Variants in RIMS2 observed in about 807,000 individuals in gnomAD.
The protein encoded by RIMS2 is regulating synaptic membrane exocytosis protein 2.
Under a neutral mutation model 174.4 loss-of-function variants are expected in RIMS2, and 59 were observed. That is an observed-to-expected ratio of 0.34 (90% CI 0.27 to 0.42). The LOEUF (loss-of-function observed/expected upper bound fraction) is 0.42, where lower values mean the gene tolerates loss of function less well. RIMS2 is among the 10% of genes least tolerant of loss of function. The probability of loss-of-function intolerance (pLI) is 1.00; values close to 1 mark genes in which losing one functional copy is unlikely to be tolerated. For missense variants in RIMS2, 1,620 were observed against 1,666.3 expected (o/e 0.97, Z 0.48); for synonymous variants, 606 against 572.5 (o/e 1.06, Z -0.84).
chr8:103,697,490 C>G (rs563509812), intron 2 of RIMS2, among the ~76,000 whole-genome samples, 194 bp downstream of exon 4: 19 of 150,804 alleles, frequency 1.3e-4, no homozygotes, highest in Admixed American at 4.0e-4. Context: ...GGGCGGATCA[C>G]TTTAGCCCAG....
intron 1 of RIMS2, among the ~76,000 whole-genome samples, chr8:103,661,710 T>G (rs2096603042): frequency 6.6e-6 from 1 of 152,234 alleles, no homozygotes; most frequent in Non-Finnish European, 1.5e-5. Context: ...TTCACCGTGT[T>G]TCCCAGGCTG....
intron 19 of RIMS2, among the ~76,000 whole-genome samples, chr8:104,181,245 C>A (rs925377085): frequency 4.0e-5 from 6 of 151,530 alleles, no homozygotes; most frequent in African/African-American, 1.5e-4. Context: ...AATTAATAGT[C>A]CTTAGAGTAT....
chr8:103,687,795 C>T (rs539683721), intron 1 of RIMS2, among the ~76,000 whole-genome samples: 1 of 152,238 alleles, frequency 6.6e-6, no homozygotes, highest in Non-Finnish European at 1.5e-5. Flanking sequence ...CTTCACTTAA[C>T]ATAATGTCCT....
chr8:103,815,515 A>G (rs1469414991), intron 3 of RIMS2, among the ~76,000 whole-genome samples: 1 of 152,222 alleles, frequency 6.6e-6, no homozygotes, highest in African/African-American at 2.4e-5. Flanking sequence ...AAATAGAGAA[A>G]CCAATTGCCA....
chr8:104,032,355 T>C (rs1039382206), intron 19 of RIMS2, among the ~76,000 whole-genome samples: 24 of 152,074 alleles, frequency 1.6e-4, no homozygotes, highest in Admixed American at 2.0e-4. Context: ...AGTGTTTTTG[T>C]TTTCCTCTCC....
At chr8:104,256,013 C>T (rs989621928), downstream of RIMS2, 15 of 152,282 alleles carry the variant, frequency 9.9e-5, no homozygotes, top group African/African-American at 3.6e-4. Context: ...AAAACGTAAG[C>T]TCCTTCAGGG....
intron 19 of RIMS2, among the ~76,000 whole-genome samples, chr8:104,070,364 C>G (rs1308151214): frequency 6.6e-6 from 1 of 152,178 alleles, no homozygotes; most frequent in East Asian, 1.9e-4. Context: ...ATTAAAATAG[C>G]CTTGGCTTTA....
At chr8:103,893,789 A>G (rs890823712) in intron 4 of RIMS2, among the ~76,000 whole-genome samples, 5 of 152,036 alleles carry the variant, frequency 3.3e-5, no homozygotes, top group African/African-American at 9.7e-5. Context: ...TGAGTAGTTG[A>G]GACAGATTAC....
At chr8:103,745,167 C>T (rs768983825) in intron 2 of RIMS2, among the ~76,000 whole-genome samples, 2 of 152,150 alleles carry the variant, frequency 1.3e-5, no homozygotes, top group Admixed American at 6.5e-5. Flanking sequence ...ACCCCTGTAC[C>T]CATTAGTAGT....
At chr8:103,825,197 G>C (rs914024673) in intron 3 of RIMS2, among the ~76,000 whole-genome samples, 1 of 151,720 alleles carries the variant, frequency 6.6e-6, no homozygotes, top group Non-Finnish European at 1.5e-5. Context: ...AGTTTTGCTT[G>C]TTCTAAAACT....
chr8:104,143,248 G>C (rs2098600686), intron 19 of RIMS2, among the ~76,000 whole-genome samples: 1 of 152,144 alleles, frequency 6.6e-6, no homozygotes, highest in Non-Finnish European at 1.5e-5. Flanking sequence ...ATGGTAATCT[G>C]AGTTTAAGTG....
At chr8:103,648,093 G>A (rs185875612) in intron 1 of RIMS2, among the ~76,000 whole-genome samples, 71 of 151,816 alleles carry the variant, frequency 4.7e-4, no homozygotes, top group East Asian at 9.7e-4. Flanking sequence ...CTTTAGCTGC[G>A]TCCCAGAGCT....
chr8:103,903,431 G>T (rs552829456), intron 4 of RIMS2, among the ~76,000 whole-genome samples: 1 of 150,070 alleles, frequency 6.7e-6, no homozygotes, highest in South Asian at 2.1e-4. Flanking sequence ...GAAAAACAAT[G>T]ATATAAAATA....
At chr8:103,865,034 A>G (rs2099077903) in intron 3 of RIMS2, among the ~76,000 whole-genome samples, 1 of 152,070 alleles carries the variant, frequency 6.6e-6, no homozygotes, top group Non-Finnish European at 1.5e-5. Flanking sequence ...GCGCTTCCCA[A>G]ACTATTTCCC....
chr8:103,885,385 G>A (rs2099193948), exon 4 of RIMS2: 5 of 1,612,454 alleles, frequency 3.1e-6, no homozygotes, highest in South Asian at 2.2e-5. Context: ...ATGCTACTTC[G>A]GATACCGCAA....
At chr8:103,850,665 G>T (rs1053742936) in intron 3 of RIMS2, among the ~76,000 whole-genome samples, 1 of 151,942 alleles carries the variant, frequency 6.6e-6, no homozygotes, top group Non-Finnish European at 1.5e-5. Flanking sequence ...CTATGACTTT[G>T]TACTTTTACC....
intron 19 of RIMS2, among the ~76,000 whole-genome samples, chr8:104,162,154 C>CTCA (rs2098766458): frequency 6.6e-6 from 1 of 152,100 alleles, no homozygotes; most frequent in African/African-American, 2.4e-5. Context: ...GCATGGACAT[C>CTCA]TTTGGGGGAC....
At chr8:103,949,566 G>C (rs1373141364) in intron 14 of RIMS2, among the ~76,000 whole-genome samples, 1 of 152,080 alleles carries the variant, frequency 6.6e-6, no homozygotes, top group African/African-American at 2.4e-5. Flanking sequence ...AGTTAAACAG[G>C]AAATTAAAAA....
intron 19 of RIMS2, chr8:104,148,815 A>G (rs752379072): frequency 5.0e-6 from 8 of 1,598,370 alleles, no homozygotes; most frequent in Non-Finnish European, 6.8e-6. Context: ...TCTGTCACGG[A>G]AAAGTCGCAG....
Sources: allele counts gnomAD v4.1 joint callset (sites outside exome capture counted in the v4.1 genomes callset), GRCh38; gene constraint gnomAD v4.1.1; transcripts MANE v1.5; gene names NCBI Gene and HGNC (gene_info 2026-07-23, HGNC 2026-07-21).